Variants in ANKRD11 observed in about 807,000 individuals in gnomAD.
ANKRD11 encodes the protein ankyrin repeat domain-containing protein 11.
Under a neutral mutation model 195.7 loss-of-function variants are expected in ANKRD11, and 17 were observed. The observed-to-expected ratio is 0.09, with a 90% CI of 0.06 to 0.13. The LOEUF (loss-of-function observed/expected upper bound fraction) is 0.13, where lower values mean the gene tolerates loss of function less well. Among genes scored for constraint, ANKRD11 ranks in the 10% least tolerant of loss-of-function variants. The probability of loss-of-function intolerance (pLI) is 1.00; values close to 1 mark genes in which losing one functional copy is unlikely to be tolerated. For missense variants in ANKRD11, 3,735 were observed against 3,566.1 expected (o/e 1.05, Z -1.21); for synonymous variants, 1,953 against 1,528.1 (o/e 1.28, Z -6.49).
intron 2 of ANKRD11, among the ~76,000 whole-genome samples, chr16:89,333,511 T>C (rs2038175849): frequency 1.3e-5 from 2 of 152,266 alleles, no homozygotes; most frequent in Non-Finnish European, 2.9e-5. Flanking sequence ...GTGTTCCTGC[T>C]GCACAACCCT....
At chr16:89,304,957 C>T in intron 4 of ANKRD11, 1 of 573,224 alleles carries the variant, frequency 1.7e-6, no homozygotes, top group Non-Finnish European at 3.0e-6. Context: ...GCACCGGGTG[C>T]ATCTCCACGT....
rs772132834 is a variant in ANKRD11 at position 89,283,638 on chromosome 16, G to A, written c.2904C>T (p.Pro968=). The change falls in exon 9 of 13, where the codon CCC becomes CCT. Residue 968 remains proline, a synonymous_variant. Transcript: ENST00000301030. The surrounding 1 kb of genome is among the most constrained non-coding windows in gnomAD (Gnocchi z 4.3). ...TCAGCTCCTCCCGGTGCGCCTCCTC[G>A]GGCTTGGCCCTGCCGTCCCTGCGCT... is the stretch of plus-strand genomic sequence containing the variant. ...CKERRDGRAK[P]EEAHREELKE... is the part of the protein sequence containing the mutation. 1.9e-5 allele frequency: 30 copies of A among 1,610,564 alleles called. No individual in the cohort carries two copies. Among genetic ancestry groups the A allele is most frequent in the Middle Eastern group, 1.6e-4 (1 of 6,084 alleles).
At chr16:89,383,674 C>G (rs1336291356) in intron 2 of ANKRD11, among the ~76,000 whole-genome samples, 2 of 152,140 alleles carry the variant, frequency 1.3e-5, no homozygotes, top group Non-Finnish European at 2.9e-5. Flanking sequence ...CTCGGACCAG[C>G]AACGCAGCAG....
At chr16:89,409,409 G>A (rs17177108) in intron 2 of ANKRD11, among the ~76,000 whole-genome samples, 6,232 of 152,282 alleles carry the variant, frequency 0.041, 212 homozygotes, top group East Asian at 0.18. Flanking sequence ...TTCTTCCTCC[G>A]TGGGTTGCAG....
intron 1 of ANKRD11, among the ~76,000 whole-genome samples, chr16:89,433,792 C>T (rs1215299646): frequency 6.6e-6 from 1 of 152,084 alleles, no homozygotes; most frequent in Admixed American, 6.5e-5. Context: ...AGAGAAGCAA[C>T]GGGCTTGGAC....
At chr16:89,361,822 A>G (rs2039744218) in intron 2 of ANKRD11, 1 of 152,236 alleles carries the variant, frequency 6.6e-6, no homozygotes, top group South Asian at 2.1e-4. Flanking sequence ...AATTAACCCT[A>G]AACATTTAAA....
chr16:89,304,778 C>G (rs892123731), intron 4 of ANKRD11, among the ~76,000 whole-genome samples: 1 of 152,210 alleles, frequency 6.6e-6, no homozygotes, highest in African/African-American at 2.4e-5. Context: ...CTTGGGAAGA[C>G]CTCCCTGCCT....
At chr16:89,485,012 A>T (rs952039280) in intron 1 of ANKRD11, among the ~76,000 whole-genome samples, 3 of 152,130 alleles carry the variant, frequency 2.0e-5, no homozygotes, top group Non-Finnish European at 4.4e-5. Flanking sequence ...CTCAACCTTG[A>T]CCTCCAAGAG....
chr16:89,487,860 A>AT (rs2057672815), intron 1 of ANKRD11, among the ~76,000 whole-genome samples: 1 of 152,156 alleles, frequency 6.6e-6, no homozygotes, highest in Admixed American at 6.6e-5. Context: ...CCTTCACTCT[A>AT]TTTGTAGGGA....
intron 6 of ANKRD11, chr16:89,288,899 G>T (rs1254232259): frequency 9.7e-6 from 6 of 617,450 alleles, no homozygotes; most frequent in South Asian, 1.9e-5. Flanking sequence ...TTAACCCTAC[G>T]GACTGACAAC....
At chr16:89,349,627 T>A (rs900556198) in intron 2 of ANKRD11, among the ~76,000 whole-genome samples, 2 of 152,172 alleles carry the variant, frequency 1.3e-5, no homozygotes, top group African/African-American at 4.8e-5. Context: ...CCTCTAACCT[T>A]ACCTTATGCC....
intron 2 of ANKRD11, among the ~76,000 whole-genome samples, chr16:89,329,289 T>A (rs115521039): frequency 0.044 from 6,702 of 152,234 alleles, 521 homozygotes; most frequent in African/African-American, 0.15. Context: ...GCGGTCACCC[T>A]GTCTTCCAAT....
chr16:89,286,863 T>G (rs754880460), intron 7 of ANKRD11: 6 of 1,288,150 alleles, frequency 4.7e-6, no homozygotes, highest in Non-Finnish European at 6.1e-6. Flanking sequence ...AAATTAAATT[T>G]AATCCCAACT....
At chr16:89,435,646 G>A (rs548925191) in intron 1 of ANKRD11, among the ~76,000 whole-genome samples, 1 of 152,152 alleles carries the variant, frequency 6.6e-6, no homozygotes, top group Non-Finnish European at 1.5e-5. Flanking sequence ...CATTCTTGAA[G>A]TCAGCGAGAC....
chr16:89,327,273 G>A (rs1344601805), intron 2 of ANKRD11, among the ~76,000 whole-genome samples: 2 of 152,216 alleles, frequency 1.3e-5, no homozygotes, highest in South Asian at 2.1e-4. Flanking sequence ...CAAAACTCAC[G>A]ATAAAAATTC....
intron 12 of ANKRD11, 30 bp downstream of exon 12, chr16:89,270,760 CACAGAACTGGGCAGCAGCCTCCCCCAG>C (rs1002400666): frequency 5.1e-6 from 8 of 1,575,694 alleles, no homozygotes; most frequent in Non-Finnish European, 6.9e-6. Flanking sequence ...CACCACCCAT[CACAGAACTGGGCAGCAGCCTCCCCCAG>C]GCAGAACTGA....
At chr16:89,298,459 A>G (rs1307548640) in intron 4 of ANKRD11, 1 of 152,302 alleles carries the variant, frequency 6.6e-6, no homozygotes, top group Non-Finnish European at 1.5e-5. Flanking sequence ...TATGGATGAA[A>G]GGGCTGAGAG....
chr16:89,413,815 G>A (rs1028560906), intron 2 of ANKRD11, among the ~76,000 whole-genome samples: 2 of 152,018 alleles, frequency 1.3e-5, no homozygotes, highest in Non-Finnish European at 1.5e-5. Context: ...CTCCCACAAC[G>A]CCCTAGGATG....
chr16:89,428,293 A>G (rs148566497), intron 1 of ANKRD11, among the ~76,000 whole-genome samples: 3,594 of 152,206 alleles, frequency 0.024, 120 homozygotes, highest in East Asian at 0.16. Flanking sequence ...TGGGAGGCCA[A>G]GGCGGGCAGA....
Sources: gnomAD v4.1 joint callset for allele counts (sites outside exome capture counted in the v4.1 genomes callset) on GRCh38, gnomAD v4.1.1 for gene constraint, Gnocchi (gnomAD v3.1) non-coding constraint, MANE v1.5 for transcripts, NCBI Gene and HGNC (gene_info 2026-07-23, HGNC 2026-07-21) for gene names.